The following TANK variants were observed in gnomAD, a reference collection of about 807,000 sequenced individuals.
The protein encoded by TANK is TRAF family member-associated NF-kappa-B activator.
A neutral mutation model predicts 43.6 loss-of-function variants in TANK; 15 were observed. That is an observed-to-expected ratio of 0.34 (90% CI 0.23 to 0.53). The LOEUF is 0.53. TANK is among the 20% of genes least tolerant of loss of function. The pLI is 0.94. For missense variants in TANK, 417 were observed against 498.6 expected, an observed-to-expected ratio of 0.84 and a Z score of 1.56; for synonymous variants, 162 against 178.2, an observed-to-expected ratio of 0.91 and a Z score of 0.73.
At chr2:161,152,997 G>T (rs991852707) in intron 1 of TANK, among the ~76,000 whole-genome samples, 2 of 151,874 alleles carry the variant, frequency 1.3e-5, no homozygotes, top group African/African-American at 4.8e-5. Context: ...TATTTTTTCT[G>T]CTTCATTTCT....
intron 4 of TANK, chr2:161,205,054 C>G (rs1267050): frequency 0.87 from 851,331 of 973,260 alleles, 372,983 homozygotes; most frequent in East Asian, 1. Context: ...GCTGGACACA[C>G]TGACTCACTC....
In TANK at chr2:161,204,877, C is replaced by T. The variant is rs549106063; in HGVS notation, c.327+84C>T. 3.2e-6 allele frequency: 5 copies of T among 1,550,080 alleles called. No individual in the cohort carries two copies. The African/African-American group carries it at 4.3e-5, about 13-fold the overall frequency. Reference sequence around the variant, plus strand: ...CATTTTATTTTTCTGAAGTGATCTGCTGGAATTCCAAACAGAAGTTCCATA... The same window carrying T: ...CATTTTATTTTTCTGAAGTGATCTGTTGGAATTCCAAACAGAAGTTCCATA... On this transcript the variant is annotated intron_variant, in intron 4 of 7. Coordinates refer to ENST00000392749, the MANE Select transcript of TANK (RefSeq NM_001199135.3).
intron 4 of TANK, among the ~76,000 whole-genome samples, chr2:161,218,071 A>T (rs1210432457): frequency 6.6e-6 from 1 of 152,186 alleles, no homozygotes; most frequent in African/African-American, 2.4e-5. Context: ...TGCCTATGTT[A>T]ACAAGTGACT....
intron 1 of TANK, chr2:161,162,498 A>G (rs902238436): frequency 3.3e-5 from 5 of 152,096 alleles, no homozygotes; most frequent in African/African-American, 1.2e-4. Flanking sequence ...TCATCTAATT[A>G]TAATTCATCT....
At chr2:161,226,138 G>A (rs1001186079) in intron 6 of TANK, among the ~76,000 whole-genome samples, 3 of 152,040 alleles carry the variant, frequency 2.0e-5, no homozygotes, top group Admixed American at 6.6e-5. Flanking sequence ...GCATTGTAAT[G>A]GTGATATATT....
intron 2 of TANK, among the ~76,000 whole-genome samples, chr2:161,196,778 C>T (rs907904875): frequency 1.3e-5 from 2 of 152,044 alleles, no homozygotes; most frequent in African/African-American, 4.8e-5. Context: ...ATCACTTGAA[C>T]CTGGGAGGTG....
intron 2 of TANK, among the ~76,000 whole-genome samples, chr2:161,180,741 C>G (rs1175514145): frequency 6.6e-6 from 1 of 152,014 alleles, no homozygotes; most frequent in Non-Finnish European, 1.5e-5. Flanking sequence ...ATTACAGTGA[C>G]ATAGTAAAGA....
chr2:161,185,661 A>G (rs1408273868), intron 2 of TANK, among the ~76,000 whole-genome samples: 4 of 138,264 alleles, frequency 2.9e-5, no homozygotes, highest in South Asian at 2.3e-4. Flanking sequence ...GAATTGAACA[A>G]TGAGATCACA....
chr2:161,176,179 T>C (rs909318021), intron 1 of TANK, among the ~76,000 whole-genome samples: 2 of 152,156 alleles, frequency 1.3e-5, no homozygotes, highest in Admixed American at 6.6e-5. Flanking sequence ...GTAATTGAAA[T>C]GTAGCTGCCT....
At chr2:161,188,593 C>T (rs1158652256) in intron 2 of TANK, among the ~76,000 whole-genome samples, 1 of 152,144 alleles carries the variant, frequency 6.6e-6, no homozygotes. Context: ...TTCTGCCAAA[C>T]ATTTAAAGCA....
At chr2:161,233,499 T>C (rs1688024571) in intron 7 of TANK, among the ~76,000 whole-genome samples, 1 of 152,144 alleles carries the variant, frequency 6.6e-6, no homozygotes, top group African/African-American at 2.4e-5. Context: ...AATTTTACTT[T>C]CTATCAATCA....
At chr2:161,205,373 A>ATG in intron 4 of TANK, among the ~76,000 whole-genome samples, 2 of 152,026 alleles carry the variant, frequency 1.3e-5, no homozygotes, top group Admixed American at 1.3e-4. Context: ...ATGTACATAT[A>ATG]TGTGTGTGTG....
At chr2:161,157,892 C>T (rs1684267475), upstream of TANK, among the ~76,000 whole-genome samples, 1 of 152,182 alleles carries the variant, frequency 6.6e-6, no homozygotes, top group African/African-American at 2.4e-5. Flanking sequence ...CCATGTTGGC[C>T]AGGCTGGTCT....
intron 1 of TANK, chr2:161,160,872 G>C (rs1294922944): frequency 2.0e-6 from 1 of 496,638 alleles, no homozygotes; most frequent in African/African-American, 1.9e-5. Flanking sequence ...TCGGGAGAGA[G>C]ACTGCCTCCT....
intron 6 of TANK, among the ~76,000 whole-genome samples, chr2:161,230,630 T>C (rs1687861226): frequency 6.6e-6 from 1 of 152,254 alleles, no homozygotes; most frequent in Non-Finnish European, 1.5e-5. Context: ...AACTCACAGT[T>C]ATAGCTTCCG....
chr2:161,188,563 G>A (rs10205470), intron 2 of TANK, among the ~76,000 whole-genome samples: 10,186 of 152,164 alleles, frequency 0.067, 1,122 homozygotes, highest in African/African-American at 0.23. Context: ...AGCCTAGGAT[G>A]AGATAGCTTC....
intron 4 of TANK, among the ~76,000 whole-genome samples, chr2:161,206,108 A>G (rs1686641484): frequency 6.6e-6 from 1 of 152,192 alleles, no homozygotes; most frequent in Non-Finnish European, 1.5e-5. Flanking sequence ...AAAAGGAATA[A>G]TGAGGGCTTC....
chr2:161,217,653 T>C (rs1357617727), intron 4 of TANK, among the ~76,000 whole-genome samples: 1 of 151,148 alleles, frequency 6.6e-6, no homozygotes, highest in Non-Finnish European at 1.5e-5. Context: ...GTAACTGTTA[T>C]TTGCAGAAGA....
chr2:161,232,629 A>G (rs1687974957), intron 7 of TANK: 2 of 1,305,936 alleles, frequency 1.5e-6, no homozygotes, highest in South Asian at 1.9e-5. Flanking sequence ...AAATTAAACA[A>G]TTTCATTTAT....
Sources: gnomAD v4.1 joint callset for allele counts (sites outside exome capture counted in the v4.1 genomes callset) on GRCh38, gnomAD v4.1.1 for gene constraint, MANE v1.5 for transcripts, NCBI Gene and HGNC (gene_info 2026-07-23, HGNC 2026-07-21) for gene names.